FAT3: variants seen among roughly 807,000 people sequenced by gnomAD.
The protein encoded by FAT3 is FAT atypical cadherin 3, also known as protocadherin Fat 3.
Under a neutral mutation model 310.2 loss-of-function variants are expected in FAT3, and 95 were observed. The ratio of observed to expected loss-of-function variants is 0.31; its 90% CI spans 0.26 to 0.36. The LOEUF (loss-of-function observed/expected upper bound fraction) is 0.36. Among genes scored for constraint, FAT3 ranks in the 10% least tolerant of loss-of-function variants. The pLI is 1.00. For missense variants in FAT3, 5,408 were observed against 5,715.6 expected, an observed-to-expected ratio of 0.95 and a Z score of 1.74; for synonymous variants, 2,314 against 2,192.9, an observed-to-expected ratio of 1.06 and a Z score of -1.54.
chr11:92,717,968 A>G (rs562029435), intron 4 of FAT3, among the ~76,000 whole-genome samples: 7 of 152,278 alleles, frequency 4.6e-5, no homozygotes, highest in African/African-American at 1.2e-4. Context: ...AATGGCCACA[A>G]ATTCTTGCAA....
chr11:92,813,837 T>C (rs1348516731), intron 13 of FAT3, among the ~76,000 whole-genome samples: 1 of 152,208 alleles, frequency 6.6e-6, no homozygotes, highest in Non-Finnish European at 1.5e-5. Context: ...CACATTGCTT[T>C]ACCAGAAGTT....
chr11:92,632,255 C>T (rs76500695), intron 3 of FAT3, among the ~76,000 whole-genome samples: 3,895 of 152,270 alleles, frequency 0.026, 150 homozygotes, highest in African/African-American at 0.086. Context: ...GGACTAGGCA[C>T]AGTATGGATA....
intron 17 of FAT3, 77 bp downstream of exon 17, chr11:92,837,883 G>T (rs995725780): frequency 6.4e-7 from 1 of 1,561,986 alleles, no homozygotes; most frequent in South Asian, 1.1e-5. Context: ...ACTCATTGTG[G>T]TTTATTGCTA....
intron 2 of FAT3, among the ~76,000 whole-genome samples, chr11:92,385,302 C>G (rs1004475965): frequency 6.6e-6 from 1 of 152,096 alleles, no homozygotes; most frequent in African/African-American, 2.4e-5. Context: ...TTCCAAGTGT[C>G]CGTAGGTAGA....
At chr11:92,503,876 A>G (rs1318135109) in intron 2 of FAT3, among the ~76,000 whole-genome samples, 2 of 152,154 alleles carry the variant, frequency 1.3e-5, no homozygotes, top group African/African-American at 2.4e-5. Context: ...TCACATATGT[A>G]AAGGGATTTG....
chr11:92,655,642 C>T (rs1327608120), intron 3 of FAT3, among the ~76,000 whole-genome samples: 1 of 152,132 alleles, frequency 6.6e-6, no homozygotes, highest in Admixed American at 6.6e-5. Context: ...CGCCACAAAC[C>T]TTCCCTGGCC....
At chr11:92,781,075 C>CTTTTTT (rs10649331) in intron 7 of FAT3, among the ~76,000 whole-genome samples, 3 of 121,984 alleles carry the variant, frequency 2.5e-5, no homozygotes, top group Non-Finnish European at 5.0e-5. Context: ...TTTCTTTATT[C>CTTTTTT]TTTTTTTTTT....
intron 3 of FAT3, among the ~76,000 whole-genome samples, chr11:92,544,502 TATAA>T (rs1954554773): frequency 7.7e-6 from 1 of 130,238 alleles, no homozygotes; most frequent in Admixed American, 7.3e-5. Context: ...TATCAATAAA[TATAA>T]ATAAACAAAC....
chr11:92,306,671 G>A (rs1334326960), intron 1 of FAT3, among the ~76,000 whole-genome samples: 4 of 115,558 alleles, frequency 3.5e-5, no homozygotes, highest in Non-Finnish European at 5.1e-5. Flanking sequence ...ATATAAAGTG[G>A]AGAGCCTTGG....
intron 2 of FAT3, among the ~76,000 whole-genome samples, chr11:92,382,960 T>C (rs1039000372): frequency 1.3e-5 from 2 of 152,214 alleles, no homozygotes; most frequent in Non-Finnish European, 2.9e-5. Flanking sequence ...TCAGCATCCA[T>C]TCGCTATTCT....
At chr11:92,450,905 G>T (rs2135064242) in intron 2 of FAT3, among the ~76,000 whole-genome samples, 1 of 152,198 alleles carries the variant, frequency 6.6e-6, no homozygotes, top group Admixed American at 6.5e-5. Context: ...TTCCAAACTT[G>T]GGTTTCTCTA....
At chr11:92,639,084 G>A (rs371841280) in intron 3 of FAT3, among the ~76,000 whole-genome samples, 1 of 152,068 alleles carries the variant, frequency 6.6e-6, no homozygotes, top group African/African-American at 2.4e-5. Context: ...ACAGCTAGAG[G>A]CACAGACACA....
chr11:92,780,927 T>C (rs932342081), intron 7 of FAT3, among the ~76,000 whole-genome samples: 3 of 152,168 alleles, frequency 2.0e-5, no homozygotes, highest in Non-Finnish European at 4.4e-5. Context: ...TCAATCTGAG[T>C]TACTGCATCA....
At chr11:92,795,590 A>G (rs1947149003) in intron 9 of FAT3, among the ~76,000 whole-genome samples, 1 of 151,964 alleles carries the variant, frequency 6.6e-6, no homozygotes, top group Admixed American at 6.6e-5. Flanking sequence ...CAAGCAGATC[A>G]GCGGCCATGG....
In FAT3 at chr11:92,303,271, C is replaced by T. The variant is rs570941202; in HGVS notation, c.-17-48825C>T. On this transcript the variant is annotated intron_variant, in intron 1 of 27. Transcript: ENST00000525166. ...TAAATTTGGAGGTACCATTTAGGATCGCTTTATTGGCACTAGTTTTTAAAT... is the reference window on the plus strand; with the variant it reads ...TAAATTTGGAGGTACCATTTAGGATTGCTTTATTGGCACTAGTTTTTAAAT... Among the ~76,000 whole-genome samples, 5 of 152,060 alleles carry T rather than the reference C, an allele frequency of 3.3e-5. No individual in the cohort carries two copies. The East Asian group carries it at 9.7e-4, about 29-fold the overall frequency.
At chr11:92,805,513 C>T (rs569639144) in intron 11 of FAT3, among the ~76,000 whole-genome samples, 164 bp downstream of exon 11, 1 of 150,018 alleles carries the variant, frequency 6.7e-6, no homozygotes, top group African/African-American at 2.5e-5. Context: ...ATATTGAAAA[C>T]ATGAAAAGAG....
intron 2 of FAT3, chr11:92,406,448 T>C (rs1316152018): frequency 6.6e-6 from 1 of 152,228 alleles, no homozygotes; most frequent in African/African-American, 2.4e-5. Context: ...CTGATTGTAT[T>C]TTTAGCACAT....
intron 4 of FAT3, among the ~76,000 whole-genome samples, chr11:92,752,832 A>G (rs988929588): frequency 6.6e-6 from 1 of 152,182 alleles, no homozygotes; most frequent in African/African-American, 2.4e-5. Context: ...TAAGTTTAAT[A>G]TGCGATCGCT....
chr11:92,522,986 G>A (rs567086737), intron 2 of FAT3, among the ~76,000 whole-genome samples: 1 of 152,166 alleles, frequency 6.6e-6, no homozygotes, highest in South Asian at 2.1e-4. Flanking sequence ...GAGCACCTTC[G>A]GCACACACTG....
Sources: gnomAD v4.1 joint callset for allele counts (sites outside exome capture counted in the v4.1 genomes callset) on GRCh38, gnomAD v4.1.1 for gene constraint, MANE v1.5 for transcripts, NCBI Gene and HGNC (gene_info 2026-07-23, HGNC 2026-07-21) for gene names.